Variants in ADAT1 observed in about 807,000 individuals in gnomAD.
ADAT1 encodes adenosine deaminase tRNA specific 1, also known as tRNA-specific adenosine deaminase 1.
ADAT1 carries 58 observed loss-of-function variants against 58.6 expected under a neutral mutation model. The observed-to-expected ratio is 0.99, with a 90% CI of 0.80 to 1.23. ADAT1 has a LOEUF of 1.23. Ranked by LOEUF, ADAT1 falls within the 50% of genes most tolerant of loss-of-function variation. The pLI, the probability that ADAT1 is intolerant of heterozygous loss-of-function variation, is 0.00. For synonymous variants in ADAT1, 254 were observed against 220.8 expected, an observed-to-expected ratio of 1.15 and a Z score of -1.33; for missense variants, 741 against 608.6, an observed-to-expected ratio of 1.22 and a Z score of -2.29.
chr16:75,618,121 A>AGAGAG (rs1440110065), intron 4 of ADAT1, among the ~76,000 whole-genome samples: 3 of 142,580 alleles, frequency 2.1e-5, no homozygotes, highest in African/African-American at 5.2e-5. Flanking sequence ...AAAAAAAAAA[A>AGAGAG]AAAGAGAGAA....
chr16:75,604,982 TCTC>T (rs535065894), intron 8 of ADAT1, among the ~76,000 whole-genome samples: 2 of 151,782 alleles, frequency 1.3e-5, no homozygotes, highest in African/African-American at 4.9e-5. Context: ...CTCTTCTTCT[TCTC>T]CTCCTCCTCA....
At chr16:75,604,116 C>A (rs1215283472) in intron 8 of ADAT1, among the ~76,000 whole-genome samples, 3 of 151,890 alleles carry the variant, frequency 2.0e-5, no homozygotes, top group African/African-American at 7.3e-5. Flanking sequence ...CTCTCATGAA[C>A]AAATTAAAGA....
In ADAT1 at chr16:75,599,914, G is replaced by C. The variant is rs1597082162; in HGVS notation, c.*302C>G. Reference sequence around the variant, plus strand: ...TCAATGTAGGAACCCATAAAACAGAGCTGCTGCAGAGTACTTTCAAAGCAT... The same window carrying C: ...TCAATGTAGGAACCCATAAAACAGACCTGCTGCAGAGTACTTTCAAAGCAT... On this transcript the variant is annotated 3_prime_UTR_variant, in exon 10 of 10. Coordinates refer to ENST00000564657, the MANE Select transcript of ADAT1 (RefSeq NM_001324445.2). 9.1e-7 allele frequency: 1 copy of C among 1,098,104 alleles called. No homozygotes were observed. Among genetic ancestry groups the C allele is most frequent in the African/African-American group, 1.6e-5 (1 of 61,422 alleles). The allele number at this position is 1,098,104 out of a possible 1,614,324, so 68.0% of individuals were successfully genotyped here.
Position 75,599,938 on chromosome 16 carries a change from A to G in ADAT1, c.*278T>C, listed in dbSNP as rs1015460475. 8.5e-7 allele frequency: 1 copy of G among 1,171,288 alleles called. No homozygotes were observed. The highest frequency in any genetic ancestry group is 1.1e-6 in the Non-Finnish European group (1 of 945,232). 72.6% of individuals were successfully genotyped at this position (1,171,288 alleles called of 1,614,324 possible). A position where few individuals can be genotyped will look rare whatever the true frequency, so the allele number is the denominator to read the frequency against. On this transcript the variant is annotated 3_prime_UTR_variant, in exon 10 of 10. Transcript: ENST00000564657. Reference sequence around the variant, plus strand: ...AGCTGCTGCAGAGTACTTTCAAAGCATCATGTTCCAAACTCTGATTTCATA... The same window carrying G: ...AGCTGCTGCAGAGTACTTTCAAAGCGTCATGTTCCAAACTCTGATTTCATA...
intron 5 of ADAT1, among the ~76,000 whole-genome samples, chr16:75,616,047 C>G (rs891988308): frequency 6.7e-6 from 1 of 149,764 alleles, no homozygotes; most frequent in Non-Finnish European, 1.5e-5. Context: ...CTTGCCGGGT[C>G]ATCCAGGCTG....
chr16:75,611,641 C>G (rs140495470), intron 6 of ADAT1, among the ~76,000 whole-genome samples: 163 of 152,224 alleles, frequency 1.1e-3, no homozygotes, highest in African/African-American at 3.7e-3. Flanking sequence ...CTCGACCTCC[C>G]AAAGTGCTGG....
chr16:75,622,762 G>A lies in ADAT1; in HGVS notation c.-381C>T, dbSNP rs2081970685. ...TATTTGCCCACAAGACCGCATCTCT[G>A]AACAGTTTCAACAAGCTAAAAAAAC... On this transcript the variant is annotated 5_prime_UTR_variant, in exon 1 of 10. Coordinates refer to ENST00000564657, the MANE Select transcript of ADAT1 (RefSeq NM_001324445.2). The A allele has an allele frequency of 6.6e-6, 1 of 152,212 alleles. No individual in the cohort carries two copies. The highest frequency in any genetic ancestry group is 6.5e-5 in the Admixed American group (1 of 15,282). 9.4% of individuals were successfully genotyped at this position (152,212 alleles called of 1,614,324 possible). A position where few individuals can be genotyped will look rare whatever the true frequency, so the allele number is the denominator to read the frequency against.
At chr16:75,613,368 C>A (rs1345211297) in intron 5 of ADAT1, among the ~76,000 whole-genome samples, 1 of 152,166 alleles carries the variant, frequency 6.6e-6, no homozygotes, top group East Asian at 1.9e-4. Context: ...GTGGGGTGAT[C>A]TCTGCTCACT....
Position 75,612,336 on chromosome 16 carries a change from A to C in ADAT1, c.950T>G (p.Met317Arg). ...GTAGATGGGCTCTTCCAGCAAGTGC[A>C]TCAACAGTGCCCCTTGGCATCCGAG... is the stretch of plus-strand genomic sequence containing the variant. ...NVLGCQGALL[M>R]HLLEEPIYLS... The change falls in exon 6 of 10, where the codon ATG (methionine) becomes AGG (arginine). Residue 317 changes from methionine (M) to arginine (R), a missense_variant. By Grantham distance (91) the Met-to-Arg change is moderately conservative. Coordinates refer to ENST00000564657, the MANE Select transcript of ADAT1 (RefSeq NM_001324445.2). 1 of 1,614,190 alleles carries C rather than the reference A, an allele frequency of 6.2e-7. No homozygotes were observed. The highest frequency in any genetic ancestry group is 1.1e-5 in the South Asian group (1 of 91,084).
chr16:75,613,968 G>A (rs1371250653), intron 5 of ADAT1, among the ~76,000 whole-genome samples: 2 of 152,070 alleles, frequency 1.3e-5, no homozygotes, highest in African/African-American at 4.8e-5. Context: ...GAGGTGGGCG[G>A]ATCACGAGGT....
At chr16:75,620,926 G>T in intron 1 of ADAT1, 106 bp from the exon 2 acceptor site, 1 of 909,600 alleles carries the variant, frequency 1.1e-6, no homozygotes, top group Non-Finnish European at 1.6e-6. Context: ...AGCAGACCGA[G>T]GTTTCCCTAT....
chr16:75,623,074 G>C lies in ADAT1; in HGVS notation c.-693C>G, dbSNP rs561336852. On this transcript the variant is annotated 5_prime_UTR_variant, in exon 1 of 10. Transcript: ENST00000564657. Reference sequence around the variant, plus strand: ...GAGGCCCCGCGCCAGGAGCTCTTCAGGCGCCGGCTGCTGACAGTTCCAGGC... The same window carrying C: ...GAGGCCCCGCGCCAGGAGCTCTTCACGCGCCGGCTGCTGACAGTTCCAGGC... 3 of 152,510 alleles carry C rather than the reference G, an allele frequency of 2.0e-5. No homozygotes were observed. Among genetic ancestry groups the C allele is most frequent in the African/African-American group, 7.2e-5 (3 of 41,604 alleles). The allele number at this position is 152,510 out of a possible 1,614,324, so 9.4% of individuals were successfully genotyped here.
At position 75,598,915 on chromosome 16, in the gene ADAT1, A is replaced by T. The variant is rs549419450; in HGVS notation, c.*1301T>A. 1 of 985,186 alleles carries T rather than the reference A, an allele frequency of 1.0e-6. No individual in the cohort carries two copies. 61.0% of individuals were successfully genotyped at this position (985,186 alleles called of 1,614,324 possible). ...TTATTTAAAAATATTTATAGCCACA[A>T]AATGCTGAAGAACCAATAAGGACCT... is the stretch of plus-strand genomic sequence containing the variant. On this transcript the variant is annotated 3_prime_UTR_variant, in exon 10 of 10. Transcript: ENST00000564657.
At chr16:75,609,348 C>T (rs573832718) in intron 6 of ADAT1, among the ~76,000 whole-genome samples, 4 of 152,054 alleles carry the variant, frequency 2.6e-5, no homozygotes, top group Non-Finnish European at 5.9e-5. Flanking sequence ...CAAAATTATC[C>T]TATAATATAA....
chr16:75,600,362 G>T lies in ADAT1; in HGVS notation c.1377-14C>A. 6.2e-7 allele frequency: 1 copy of T among 1,612,676 alleles called. No homozygotes were observed. Reference sequence around the variant, plus strand: ...AGCTTCTGCACCCTAATGCACACAGGCCACCAAATACACAGGTTCTCATTG... The same window carrying T: ...AGCTTCTGCACCCTAATGCACACAGTCCACCAAATACACAGGTTCTCATTG... On this transcript the variant is annotated splice_polypyrimidine_tract_variant and intron_variant, in intron 9 of 9. Coordinates refer to ENST00000564657, the MANE Select transcript of ADAT1 (RefSeq NM_001324445.2).
chr16:75,618,007 G>A (rs2081791608), intron 4 of ADAT1, among the ~76,000 whole-genome samples: 2 of 149,658 alleles, frequency 1.3e-5, no homozygotes, highest in Admixed American at 6.7e-5. Context: ...TGAGGTGGGA[G>A]GCTTGCTTGA....
Position 75,599,209 on chromosome 16 carries a change from G to A in ADAT1, c.*1007C>T, listed in dbSNP as rs957144119. 4 of 866,142 alleles carry A rather than the reference G, an allele frequency of 4.6e-6. No individual in the cohort carries two copies. Among genetic ancestry groups the A allele is most frequent in the Middle Eastern group, 5.8e-4 (1 of 1,714 alleles). 53.7% of individuals were successfully genotyped at this position (866,142 alleles called of 1,614,324 possible). On this transcript the variant is annotated 3_prime_UTR_variant, in exon 10 of 10. Transcript: ENST00000564657. ...CAATTCTCCTGCCTCAGCCTCCCGA[G>A]TAGCTAGGATTACAGGTGTGCGCCA...
At chr16:75,609,912 T>C (rs1180505286) in intron 6 of ADAT1, among the ~76,000 whole-genome samples, 1 of 151,854 alleles carries the variant, frequency 6.6e-6, no homozygotes, top group East Asian at 1.9e-4. Flanking sequence ...CCATATTGCC[T>C]AGGCTGGTCT....
chr16:75,598,845 G>T lies in ADAT1; in HGVS notation c.*1371C>A. 6 of 965,034 alleles carry T rather than the reference G, an allele frequency of 6.2e-6. No homozygotes were observed. In the South Asian group the frequency reaches 1.9e-4, roughly 31 times the overall value. The allele number at this position is 965,034 out of a possible 1,614,324, so 59.8% of individuals were successfully genotyped here. On this transcript the variant is annotated 3_prime_UTR_variant, in exon 10 of 10. Coordinates refer to ENST00000564657, the MANE Select transcript of ADAT1 (RefSeq NM_001324445.2). Reference sequence around the variant, plus strand: ...AAAAACTTTTAAAATGTATACTTTAGTTGGGTGAATTTTATGGTCTGTGAA... The same window carrying T: ...AAAAACTTTTAAAATGTATACTTTATTTGGGTGAATTTTATGGTCTGTGAA...
Sources: gnomAD v4.1 joint callset for allele counts (sites outside exome capture counted in the v4.1 genomes callset) on GRCh38, gnomAD v4.1.1 for gene constraint, MANE v1.5 for transcripts, NCBI Gene and HGNC (gene_info 2026-07-23, HGNC 2026-07-21) for gene names.